Variants in ANKRD6 observed in about 807,000 individuals in gnomAD.
ANKRD6 encodes the protein ankyrin repeat domain-containing protein 6.
In ANKRD6, 56 loss-of-function variants were observed where a neutral mutation model predicts 82.3. The ratio of observed to expected loss-of-function variants is 0.68; its 90% CI spans 0.55 to 0.85. The LOEUF is 0.85. Ranked by LOEUF, ANKRD6 falls within the 40% of genes least tolerant of loss-of-function variation. The pLI is 0.00. For synonymous variants in ANKRD6, 347 were observed against 352.1 expected, an observed-to-expected ratio of 0.99 and a Z score of 0.16; for missense variants, 852 against 907.6, an observed-to-expected ratio of 0.94 and a Z score of 0.79.
chr6:89,621,837 G>A (rs1440270588), intron 9 of ANKRD6, 85 bp from the exon 10 acceptor site: 12 of 1,343,288 alleles, frequency 8.9e-6, no homozygotes, highest in Non-Finnish European at 1.3e-5. Context: ...ATTCCATTAG[G>A]TCAGAGCCCC....
intron 10 of ANKRD6, among the ~76,000 whole-genome samples, chr6:89,623,156 G>A (rs1035850427): frequency 6.6e-5 from 10 of 152,066 alleles, no homozygotes; most frequent in African/African-American, 1.2e-4. Context: ...CTACAACATC[G>A]AATTGGACCC....
intron 2 of ANKRD6, among the ~76,000 whole-genome samples, chr6:89,569,472 TTC>T (rs1208481057): frequency 5.3e-5 from 8 of 152,236 alleles, no homozygotes; most frequent in Non-Finnish European, 1.0e-4. Flanking sequence ...TATACATATA[TTC>T]TGTTTATTTC....
intron 1 of ANKRD6, among the ~76,000 whole-genome samples, chr6:89,528,444 C>T (rs929890354): frequency 6.6e-6 from 1 of 152,232 alleles, no homozygotes; most frequent in African/African-American, 2.4e-5. Flanking sequence ...AATTCAGTCA[C>T]ATCTTCAGGC....
intron 7 of ANKRD6, among the ~76,000 whole-genome samples, chr6:89,615,186 T>C (rs1288921452): frequency 6.7e-6 from 1 of 150,076 alleles, no homozygotes; most frequent in African/African-American, 2.4e-5. Context: ...TAGATTGTGG[T>C]GTAGATTAAA....
Position 89,575,267 on chromosome 6 carries a change from G to T in ANKRD6, c.120+8171G>T, listed in dbSNP as rs7744488. Among the ~76,000 whole-genome samples the T allele has an allele frequency of 2.4e-4, 36 of 152,088 alleles. 1 individual carries two copies. The East Asian group carries it at 2.7e-3, about 11-fold the overall frequency. ...TTTTAAGTTTTATGGCTGGCTTTGA[G>T]GGTAGCAGATTCTGGTTTCTATGAC... On this transcript the variant is annotated intron_variant, in intron 2 of 15. Transcript: ENST00000339746.
intron 2 of ANKRD6, among the ~76,000 whole-genome samples, chr6:89,575,117 T>C (rs1190500641): frequency 1.3e-5 from 2 of 152,220 alleles, no homozygotes; most frequent in Admixed American, 1.3e-4. Flanking sequence ...CATTTCTGCC[T>C]TCTAGGTATG....
At chr6:89,444,857 A>G (rs1387264999) in intron 1 of ANKRD6, among the ~76,000 whole-genome samples, 1 of 152,096 alleles carries the variant, frequency 6.6e-6, no homozygotes, top group Non-Finnish European at 1.5e-5. Flanking sequence ...AGTCCCAGCT[A>G]CTTGGGAGGC....
intron 5 of ANKRD6, among the ~76,000 whole-genome samples, chr6:89,610,540 G>T (rs891948864): frequency 2.0e-5 from 3 of 151,998 alleles, no homozygotes; most frequent in Non-Finnish European, 4.4e-5. Context: ...CCACATCATC[G>T]ATATTTCCTT....
chr6:89,588,949 C>T (rs1320804168), intron 2 of ANKRD6, among the ~76,000 whole-genome samples: 1 of 145,084 alleles, frequency 6.9e-6, no homozygotes, highest in Non-Finnish European at 1.5e-5. Flanking sequence ...GCTGAGATTG[C>T]GCCACTGCAC....
chr6:89,459,622 C>T (rs1773888645), intron 1 of ANKRD6, among the ~76,000 whole-genome samples: 1 of 152,190 alleles, frequency 6.6e-6, no homozygotes, highest in African/African-American at 2.4e-5. Context: ...GCTTCAGATT[C>T]CTGAGTAGCT....
At chr6:89,583,810 C>G (rs1308565718) in intron 2 of ANKRD6, among the ~76,000 whole-genome samples, 1 of 152,220 alleles carries the variant, frequency 6.6e-6, no homozygotes, top group Non-Finnish European at 1.5e-5. Flanking sequence ...ACCTTATTTA[C>G]AGTGGTTCTC....
rs78864414 is a variant in ANKRD6, at chr6:89,615,726, C to T, written c.616-833C>T. Among the ~76,000 whole-genome samples the T allele has an allele frequency of 4.5e-3, 684 of 152,108 alleles. 2 individuals carry two copies. Among genetic ancestry groups the T allele is most frequent in the Non-Finnish European group, 6.1e-3 (413 of 68,012 alleles). On this transcript the variant is annotated intron_variant, in intron 7 of 15. Transcript: ENST00000339746. ...TGCTACCCAGGAAAAAAGTATCAGG[C>T]GCTTTGCCTGATCACCTGATAGGAG...
chr6:89,435,801 T>C (rs1451909403), intron 1 of ANKRD6, among the ~76,000 whole-genome samples: 1 of 152,246 alleles, frequency 6.6e-6, no homozygotes, highest in Non-Finnish European at 1.5e-5. Flanking sequence ...CCAGAAGGCA[T>C]TGTGTGGGAT....
At position 89,576,316 on chromosome 6, in the gene ANKRD6, C is replaced by T. The variant is rs550210980; in HGVS notation, c.120+9220C>T. On this transcript the variant is annotated intron_variant, in intron 2 of 15. Coordinates refer to ENST00000339746, the MANE Select transcript of ANKRD6 (RefSeq NM_001242809.2). ...CCACCCTCCTCGGCCTCCCAAAGTGCTGGGATTACAGGCGTGAGCCACCAC... is the reference window on the plus strand; with the variant it reads ...CCACCCTCCTCGGCCTCCCAAAGTGTTGGGATTACAGGCGTGAGCCACCAC... 5.3e-5 allele frequency among the ~76,000 whole-genome samples: 8 copies of T among 152,276 alleles called. No homozygotes were observed. In the East Asian group the frequency reaches 1.5e-3, roughly 29 times the overall value.
chr6:89,545,708 G>T (rs183889563), intron 1 of ANKRD6, among the ~76,000 whole-genome samples: 1 of 152,170 alleles, frequency 6.6e-6, no homozygotes, highest in South Asian at 2.1e-4. Flanking sequence ...TGAATCAAAC[G>T]TGGTTGTTGT....
chr6:89,623,800 G>A, intron 11 of ANKRD6, 72 bp from the exon 12 acceptor site: 1 of 1,486,762 alleles, frequency 6.7e-7, no homozygotes, highest in East Asian at 2.3e-5. Flanking sequence ...GGGGTGACAT[G>A]GGCGCCACCG....
At chr6:89,601,437 A>G (rs1013381164) in intron 3 of ANKRD6, among the ~76,000 whole-genome samples, 1 of 152,098 alleles carries the variant, frequency 6.6e-6, no homozygotes, top group African/African-American at 2.4e-5. Context: ...TTACTGGGGT[A>G]TTGTTTCTGC....
At chr6:89,511,083 TG>T (rs2127938994) in intron 1 of ANKRD6, among the ~76,000 whole-genome samples, 1 of 152,304 alleles carries the variant, frequency 6.6e-6, no homozygotes, top group East Asian at 1.9e-4. Context: ...ACCCTTGACA[TG>T]GGGTAAGTCA....
chr6:89,584,389 C>T (rs1793266056), intron 2 of ANKRD6, among the ~76,000 whole-genome samples: 1 of 152,196 alleles, frequency 6.6e-6, no homozygotes, highest in South Asian at 2.1e-4. Context: ...CCCTGAGGCC[C>T]TCTTAGTAGT....
Sources: gnomAD v4.1 joint callset for allele counts (sites outside exome capture counted in the v4.1 genomes callset) on GRCh38, gnomAD v4.1.1 for gene constraint, MANE v1.5 for transcripts, NCBI Gene and HGNC (gene_info 2026-07-23, HGNC 2026-07-21) for gene names.